Variants in ROBO1 observed in about 807,000 individuals in gnomAD.
ROBO1 encodes the protein roundabout homolog 1.
A neutral mutation model predicts 195.9 loss-of-function variants in ROBO1; 149 were observed. The ratio of observed to expected loss-of-function variants is 0.76; its 90% CI spans 0.67 to 0.87. The LOEUF (loss-of-function observed/expected upper bound fraction) is 0.87. ROBO1 is among the 40% of genes least tolerant of loss of function. The pLI, the probability that ROBO1 is intolerant of heterozygous loss-of-function variation, is 0.00. For synonymous variants in ROBO1, 816 were observed against 733.2 expected (o/e 1.11, Z -1.82); for missense variants, 1,933 against 2,068.3 (o/e 0.93, Z 1.27).
chr3:78,954,893 A>C (rs2040962832), intron 3 of ROBO1, among the ~76,000 whole-genome samples: 1 of 151,648 alleles, frequency 6.6e-6, no homozygotes, highest in Admixed American at 6.6e-5. Flanking sequence ...CTCAATTTAA[A>C]TTTCTAAGGA....
rs193092114 is a variant in ROBO1 at position 79,673,014 on chromosome 3, C to T, written c.-50-83053G>A. Among the ~76,000 whole-genome samples the T allele has an allele frequency of 1.1e-3, 162 of 152,058 alleles. 1 individual carries two copies. Among genetic ancestry groups the T allele is most frequent in the African/African-American group, 3.8e-3 (156 of 41,530 alleles). On this transcript the variant is annotated intron_variant, in intron 1 of 30. Coordinates refer to ENST00000464233, the MANE Select transcript of ROBO1 (RefSeq NM_002941.4). ...CAAATGAGGGCCAAATGCTTCATTA[C>T]GAGGCTTCACAGCTGCTGATGCTTG...
intron 2 of ROBO1, among the ~76,000 whole-genome samples, chr3:79,495,245 C>G (rs1008893579): frequency 6.6e-6 from 1 of 152,060 alleles, no homozygotes; most frequent in Non-Finnish European, 1.5e-5. Context: ...GCAATTCTTA[C>G]CTATCAGAAT....
rs556306559 is a variant in ROBO1 at position 79,632,785 on chromosome 3, C to T, written c.-50-42824G>A. On this transcript the variant is annotated intron_variant, in intron 1 of 30. Coordinates refer to ENST00000464233, the MANE Select transcript of ROBO1 (RefSeq NM_002941.4). Reference sequence around the variant, plus strand: ...TTCTAAAAGAAAAAAAATGAACTCCCTCAAAATTCAAATCTCTTCCTCTTC... The same window carrying T: ...TTCTAAAAGAAAAAAAATGAACTCCTTCAAAATTCAAATCTCTTCCTCTTC... 2.6e-5 allele frequency among the ~76,000 whole-genome samples: 4 copies of T among 152,146 alleles called. No homozygotes were observed. In the South Asian group the frequency reaches 8.3e-4, roughly 32 times the overall value.
chr3:79,033,954 A>G (rs2078339294), intron 3 of ROBO1, among the ~76,000 whole-genome samples: 1 of 152,040 alleles, frequency 6.6e-6, no homozygotes, highest in Non-Finnish European at 1.5e-5. Flanking sequence ...CAGGAGCATA[A>G]TTTTTCACTA....
intron 28 of ROBO1, among the ~76,000 whole-genome samples, chr3:78,611,525 C>T (rs973365482): frequency 5.9e-5 from 9 of 152,022 alleles, no homozygotes; most frequent in African/African-American, 9.7e-5. Context: ...CATTAGATAC[C>T]GCCTGTCAGT....
intron 3 of ROBO1, among the ~76,000 whole-genome samples, chr3:78,999,338 T>C (rs1261380519): frequency 6.6e-6 from 1 of 152,040 alleles, no homozygotes; most frequent in Admixed American, 6.6e-5. Flanking sequence ...ATAAATAAAA[T>C]GTGACATGGA....
At chr3:78,819,610 T>C (rs1023712604) in intron 4 of ROBO1, among the ~76,000 whole-genome samples, 1 of 152,166 alleles carries the variant, frequency 6.6e-6, no homozygotes. Context: ...TTTATGTCTG[T>C]GTGTCTGACT....
intron 4 of ROBO1, among the ~76,000 whole-genome samples, chr3:78,929,770 G>T (rs2039410732): frequency 6.6e-6 from 1 of 151,968 alleles, no homozygotes. Flanking sequence ...CTCCCAAACT[G>T]CTGGGATTAC....
rs926897535 is a variant in ROBO1, at chr3:79,389,089, T to C, written c.88+200735A>G. ...TTTCAAGTATACTCTAAAATTTGGATGGGAGCAAGATTTCTTCGAATATAA... is the reference window on the plus strand; with the variant it reads ...TTTCAAGTATACTCTAAAATTTGGACGGGAGCAAGATTTCTTCGAATATAA... On this transcript the variant is annotated intron_variant, in intron 2 of 30. Transcript: ENST00000464233. 3.3e-5 allele frequency among the ~76,000 whole-genome samples: 5 copies of C among 152,136 alleles called. No homozygotes were observed. In the East Asian group the frequency reaches 9.7e-4, roughly 29 times the overall value.
At chr3:79,643,855 G>A (rs1192329497) in intron 1 of ROBO1, among the ~76,000 whole-genome samples, 1 of 152,098 alleles carries the variant, frequency 6.6e-6, no homozygotes, top group African/African-American at 2.4e-5. Context: ...ACAGAAGTAA[G>A]TCCTTACTTA....
rs183051790 is a variant in ROBO1, at chr3:79,762,562, C to T, written c.-51+5190G>A. Among the ~76,000 whole-genome samples, 1,490 of 149,456 alleles carry T rather than the reference C, an allele frequency of 1.0e-2. 19 individuals are homozygous for T. The highest frequency in any genetic ancestry group is 0.016 in the Non-Finnish European group (1,101 of 67,420). Reference sequence around the variant, plus strand: ...ACTTGTTTTGTGTTTTCAAACATCGCTAAAAAAATAAGAAAGTGAGAACCA... The same window carrying T: ...ACTTGTTTTGTGTTTTCAAACATCGTTAAAAAAATAAGAAAGTGAGAACCA... On this transcript the variant is annotated intron_variant, in intron 1 of 30. Coordinates refer to ENST00000464233, the MANE Select transcript of ROBO1 (RefSeq NM_002941.4).
rs187709922 is a variant in ROBO1 at position 79,474,228 on chromosome 3, T to C, written c.88+115596A>G. On this transcript the variant is annotated intron_variant, in intron 2 of 30. Transcript: ENST00000464233. ...GTGTGTACAAATTCCAAAGTGTTAG[T>C]GAGTCGCTCATGTGCTAAGTGAATC... Among the ~76,000 whole-genome samples the C allele has an allele frequency of 3.0e-3, 457 of 152,250 alleles. 2 individuals are homozygous for C. Among genetic ancestry groups the C allele is most frequent in the African/African-American group, 9.6e-3 (400 of 41,564 alleles).
chr3:79,484,219 T>C (rs1939025362), intron 2 of ROBO1, among the ~76,000 whole-genome samples: 2 of 152,142 alleles, frequency 1.3e-5, no homozygotes, highest in Non-Finnish European at 2.9e-5. Flanking sequence ...GATACATGTT[T>C]AAAGTGATCC....
chr3:79,515,479 C>T (rs1417629923), intron 2 of ROBO1, among the ~76,000 whole-genome samples: 1 of 152,196 alleles, frequency 6.6e-6, no homozygotes, highest in Non-Finnish European at 1.5e-5. Flanking sequence ...CAACCACCAA[C>T]AATGTTTGTG....
In ROBO1 at chr3:79,729,821, C is replaced by T. The variant is rs567468328; in HGVS notation, c.-51+37931G>A. Among the ~76,000 whole-genome samples, 10 of 152,224 alleles carry T rather than the reference C, an allele frequency of 6.6e-5. No homozygotes were observed. In the South Asian group the frequency reaches 8.3e-4, roughly 13 times the overall value. On this transcript the variant is annotated intron_variant, in intron 1 of 30. Transcript: ENST00000464233. ...TGTCACTGAGTCCAGAGGCTAAATA[C>T]GCATCAGTTGATGATTTGGTAGATT...
intron 4 of ROBO1, among the ~76,000 whole-genome samples, chr3:78,889,315 G>C (rs1187137879): frequency 1.3e-5 from 2 of 152,134 alleles, no homozygotes; most frequent in Non-Finnish European, 2.9e-5. Flanking sequence ...CATGTCAGGG[G>C]AACCCTAGAG....
chr3:79,150,295 C>T (rs556412506), intron 2 of ROBO1, among the ~76,000 whole-genome samples: 1 of 150,838 alleles, frequency 6.6e-6, no homozygotes, highest in South Asian at 2.1e-4. Context: ...ATAATGGCAA[C>T]TTCTAAGTTA....
At chr3:79,382,650 T>C (rs2036612175) in intron 2 of ROBO1, among the ~76,000 whole-genome samples, 1 of 152,184 alleles carries the variant, frequency 6.6e-6, no homozygotes, top group Non-Finnish European at 1.5e-5. Flanking sequence ...TGGTACTTTT[T>C]GTAACATTTT....
chr3:78,657,836 A>G (rs1245888178), intron 17 of ROBO1, among the ~76,000 whole-genome samples: 4 of 152,200 alleles, frequency 2.6e-5, no homozygotes, highest in Non-Finnish European at 5.9e-5. Flanking sequence ...GAGCTTCTGA[A>G]TACTCTAAAG....
Sources: gnomAD v4.1 joint callset for allele counts (sites outside exome capture counted in the v4.1 genomes callset) on GRCh38, gnomAD v4.1.1 for gene constraint, MANE v1.5 for transcripts, NCBI Gene and HGNC (gene_info 2026-07-23, HGNC 2026-07-21) for gene names.